Variants in EPG5 observed in about 807,000 individuals in gnomAD.
The protein encoded by EPG5 is ectopic P-granules 5 autophagy tethering factor, also known as ectopic P granules protein 5 homolog.
EPG5 carries 159 observed loss-of-function variants against 302.7 expected under a neutral mutation model. The ratio of observed to expected loss-of-function variants is 0.53; its 90% CI spans 0.46 to 0.60. EPG5 has a LOEUF of 0.60. EPG5 is among the 20% of genes least tolerant of loss of function. The pLI is 0.00. For missense variants in EPG5, 2,896 were observed against 3,092.4 expected (o/e 0.94, Z 1.51); for synonymous variants, 1,158 against 1,136.8 (o/e 1.02, Z -0.37).
chr18:45,943,138 G>A, intron 9 of EPG5, 23 bp downstream of exon 9: 1 of 1,611,580 alleles, frequency 6.2e-7, no homozygotes, highest in Non-Finnish European at 8.5e-7. Flanking sequence ...GAACAGAGAA[G>A]GGTAGAGCAA....
intron 43 of EPG5, among the ~76,000 whole-genome samples, chr18:45,854,042 TG>T (rs2145159044): frequency 6.6e-6 from 1 of 152,316 alleles, no homozygotes; most frequent in Non-Finnish European, 1.5e-5. Flanking sequence ...AGGCCAGGCC[TG>T]GGCAGCCCAG....
intron 22 of EPG5, 112 bp downstream of exon 22, chr18:45,912,178 G>C: frequency 1.0e-6 from 1 of 999,558 alleles, no homozygotes; most frequent in Non-Finnish European, 1.4e-6. Context: ...CCTCACCAGA[G>C]ATCACCAAAG....
the EPG5 span, among the ~76,000 whole-genome samples, chr18:45,816,991 T>C: frequency 6.6e-6 from 1 of 152,334 alleles, no homozygotes; most frequent in African/African-American, 2.4e-5. Context: ...TGGAGACTAT[T>C]ATTCTAAGTG....
At chr18:45,898,633 C>T (rs1266128396) in intron 27 of EPG5, among the ~76,000 whole-genome samples, 1 of 152,204 alleles carries the variant, frequency 6.6e-6, no homozygotes, top group South Asian at 2.1e-4. Context: ...ATCCTTCCCA[C>T]GTTCATCTTC....
chr18:45,840,767 GT>G, the EPG5 span: 1 of 152,832 alleles, frequency 6.5e-6, no homozygotes, highest in Non-Finnish European at 1.5e-5. Context: ...CTGGCAGAGG[GT>G]AGGAGTGGGA....
rs1568148872 is a variant in EPG5 at position 45,913,692 on chromosome 18, A to G, written c.3816+14T>C. On this transcript the variant is annotated intron_variant, in intron 21 of 43. Coordinates refer to ENST00000282041, the MANE Select transcript of EPG5 (RefSeq NM_020964.3). ...CCACCTTCTACCACTCAAATGCAGA[A>G]CTGCTATTTGTACCTTCAGAGCTTG... 4.3e-6 allele frequency: 7 copies of G among 1,613,842 alleles called. No individual in the cohort carries two copies. The South Asian group carries it at 5.5e-5, about 13-fold the overall frequency.
intron 28 of EPG5, among the ~76,000 whole-genome samples, chr18:45,888,276 T>C (rs1215557816): frequency 6.6e-6 from 1 of 151,682 alleles, no homozygotes; most frequent in East Asian, 1.9e-4. Context: ...TGGCTAATTT[T>C]TGTATTTTTC....
intron 27 of EPG5, among the ~76,000 whole-genome samples, chr18:45,891,371 C>T (rs563493261): frequency 1.3e-5 from 2 of 151,990 alleles, no homozygotes; most frequent in South Asian, 2.1e-4. Flanking sequence ...TGGTGGCAGG[C>T]ACCTGTAATC....
chr18:45,954,134 C>T (rs892303087), intron 2 of EPG5: 4 of 182,070 alleles, frequency 2.2e-5, no homozygotes, highest in African/African-American at 4.8e-5. Context: ...CTCACAGCAA[C>T]CATCATCTAG....
intron 25 of EPG5, among the ~76,000 whole-genome samples, chr18:45,902,596 T>C (rs2049646257): frequency 6.6e-6 from 1 of 152,102 alleles, no homozygotes; most frequent in South Asian, 2.1e-4. Flanking sequence ...GAAAAAGAAA[T>C]TGCTATCACA....
At chr18:45,959,350 A>G (rs2051097794) in intron 1 of EPG5, among the ~76,000 whole-genome samples, 2 of 151,612 alleles carry the variant, frequency 1.3e-5, no homozygotes, top group Non-Finnish European at 2.9e-5. Flanking sequence ...CACAAAATAC[A>G]TAAATAGGGG....
chr18:45,885,904 G>T (rs1484259641), intron 29 of EPG5, among the ~76,000 whole-genome samples: 1 of 151,928 alleles, frequency 6.6e-6, no homozygotes, highest in Non-Finnish European at 1.5e-5. Context: ...ATTCACAAAA[G>T]TATATATAAA....
intron 28 of EPG5, among the ~76,000 whole-genome samples, chr18:45,889,377 T>A (rs747901179): frequency 1.3e-5 from 2 of 152,220 alleles, no homozygotes; most frequent in Non-Finnish European, 2.9e-5. Flanking sequence ...GTCATCTGAG[T>A]TGACAAGGAT....
At chr18:45,870,435 C>T in intron 36 of EPG5, 132 bp downstream of exon 36, 9 of 659,460 alleles carry the variant, frequency 1.4e-5, no homozygotes, top group East Asian at 2.9e-5. Context: ...ACAGGCACCA[C>T]CGAGGCAACA....
At chr18:45,839,010 G>T in the EPG5 span, 3 of 1,591,458 alleles carry the variant, frequency 1.9e-6, no homozygotes, top group African/African-American at 1.4e-5. Flanking sequence ...GGGCCTCGAC[G>T]GTCGCCCTCC....
the EPG5 span, among the ~76,000 whole-genome samples, chr18:45,808,879 C>T: frequency 6.6e-6 from 1 of 152,108 alleles, no homozygotes; most frequent in African/African-American, 2.4e-5. Flanking sequence ...TGGAATGCTA[C>T]CTGATATGTC....
chr18:45,863,632 C>T (rs936672808), intron 39 of EPG5, among the ~76,000 whole-genome samples: 2 of 152,152 alleles, frequency 1.3e-5, no homozygotes, highest in Non-Finnish European at 2.9e-5. Flanking sequence ...TTCTTTACCT[C>T]GTCTTCATCA....
intron 43 of EPG5, among the ~76,000 whole-genome samples, chr18:45,854,059 C>T (rs1260451895): frequency 6.6e-6 from 1 of 152,174 alleles, no homozygotes; most frequent in African/African-American, 2.4e-5. Context: ...CCCAGGGCCC[C>T]AGCTAAAGCA....
chr18:45,961,459 G>C (rs1185155695), intron 1 of EPG5, among the ~76,000 whole-genome samples: 3 of 152,158 alleles, frequency 2.0e-5, no homozygotes, highest in African/African-American at 7.2e-5. Context: ...GCCACCGCCA[G>C]ACAGCCTTTT....
Sources: allele counts gnomAD v4.1 joint callset (sites outside exome capture counted in the v4.1 genomes callset), GRCh38; gene constraint gnomAD v4.1.1; transcripts MANE v1.5; gene names NCBI Gene and HGNC (gene_info 2026-07-23, HGNC 2026-07-21).